The following LRBA variants were observed in gnomAD, a reference collection of about 807,000 sequenced individuals.
LRBA encodes lipopolysaccharide-responsive and beige-like anchor protein.
Under a neutral mutation model 330.0 loss-of-function variants are expected in LRBA, and 176 were observed. The observed-to-expected ratio is 0.53, with a 90% CI of 0.47 to 0.60. The LOEUF (loss-of-function observed/expected upper bound fraction) is 0.60. LRBA is among the 20% of genes least tolerant of loss of function. LRBA has a pLI of 0.00. For synonymous variants in LRBA, 1,230 were observed against 1,193.0 expected (o/e 1.03, Z -0.64); for missense variants, 3,259 against 3,444.8 (o/e 0.95, Z 1.35).
chr4:150,419,890 G>A (rs1299412765), intron 46 of LRBA, among the ~76,000 whole-genome samples: 2 of 150,534 alleles, frequency 1.3e-5, no homozygotes. Flanking sequence ...TGCCTGCCTC[G>A]GCCTCCCAAA....
At chr4:150,563,921 G>A (rs1269477938) in intron 40 of LRBA, among the ~76,000 whole-genome samples, 1 of 152,106 alleles carries the variant, frequency 6.6e-6, no homozygotes, top group Non-Finnish European at 1.5e-5. Context: ...CATGCTCATG[G>A]ATAGGAAGAA....
intron 44 of LRBA, among the ~76,000 whole-genome samples, chr4:150,437,758 G>C (rs1186201805): frequency 6.6e-6 from 1 of 152,014 alleles, no homozygotes; most frequent in Non-Finnish European, 1.5e-5. Flanking sequence ...AACTATGCCT[G>C]ACAACGTTCA....
At chr4:150,966,338 C>A (rs1488803047) in intron 2 of LRBA, among the ~76,000 whole-genome samples, 1 of 150,066 alleles carries the variant, frequency 6.7e-6, no homozygotes, top group East Asian at 2.0e-4. Flanking sequence ...GACGGAGTCT[C>A]GTTCTGTCAC....
intron 2 of LRBA, among the ~76,000 whole-genome samples, chr4:151,011,867 A>T (rs2149677174): frequency 6.6e-6 from 1 of 150,722 alleles, no homozygotes; most frequent in African/African-American, 2.4e-5. Context: ...TTTTTTTTGT[A>T]GAGACAGGGT....
Position 150,920,558 on chromosome 4 carries a change from A to G in LRBA, c.645+640T>C, listed in dbSNP as rs545990370. Among the ~76,000 whole-genome samples the G allele has an allele frequency of 2.6e-5, 4 of 152,318 alleles. No homozygotes were observed. In the East Asian group the frequency reaches 7.7e-4, roughly 29 times the overall value. ...GAGCAAAACTCCATCTCAAAATAAA[A>G]AAAAAGTTTGTTTTGCTTGTAACAG... On this transcript the variant is annotated intron_variant, in intron 5 of 56. Transcript: ENST00000651943.
intron 28 of LRBA, among the ~76,000 whole-genome samples, chr4:150,837,683 G>T (rs1748356161): frequency 6.6e-6 from 1 of 152,104 alleles, no homozygotes; most frequent in South Asian, 2.1e-4. Context: ...GCCTATGTGT[G>T]TCTCTGCATG....
intron 28 of LRBA, among the ~76,000 whole-genome samples, chr4:150,837,561 C>A (rs568195508): frequency 5.3e-5 from 8 of 151,848 alleles, no homozygotes; most frequent in African/African-American, 7.2e-5. Flanking sequence ...GGCCTTGTCT[C>A]TTTTGATCTT....
chr4:150,999,574 T>A (rs1198038385), intron 2 of LRBA, among the ~76,000 whole-genome samples: 3 of 152,036 alleles, frequency 2.0e-5, no homozygotes, highest in Non-Finnish European at 4.4e-5. Flanking sequence ...CTACTGATTA[T>A]TTTTAAGTTT....
At chr4:150,914,734 T>A (rs1732394262) in intron 8 of LRBA, among the ~76,000 whole-genome samples, 1 of 152,160 alleles carries the variant, frequency 6.6e-6, no homozygotes, top group South Asian at 2.1e-4. Flanking sequence ...CAAAAAGCAC[T>A]CAGTAAAAGT....
chr4:150,723,629 C>A (rs1303794863), intron 36 of LRBA, among the ~76,000 whole-genome samples: 2 of 152,130 alleles, frequency 1.3e-5, no homozygotes, highest in African/African-American at 4.8e-5. Flanking sequence ...CAGCATATTC[C>A]CAGCTATGGT....
At chr4:150,838,186 G>T (rs1467912833) in intron 28 of LRBA, among the ~76,000 whole-genome samples, 1 of 152,158 alleles carries the variant, frequency 6.6e-6, no homozygotes, top group Non-Finnish European at 1.5e-5. Context: ...GCTTCCCTTT[G>T]TGGGTAACCC....
chr4:150,474,781 C>T (rs1240960334), intron 42 of LRBA, among the ~76,000 whole-genome samples: 2 of 152,106 alleles, frequency 1.3e-5, no homozygotes, highest in Admixed American at 1.3e-4. Flanking sequence ...TCCTTCCTCT[C>T]TTTCTTCCTT....
intron 18 of LRBA, 63 bp downstream of exon 18, chr4:150,872,600 G>C: frequency 8.9e-7 from 1 of 1,119,858 alleles, no homozygotes; most frequent in East Asian, 2.4e-5. Context: ...AATTACTACT[G>C]CAAAGATTTA....
At chr4:150,279,551 A>T (rs1285584046) in intron 55 of LRBA, among the ~76,000 whole-genome samples, 1 of 152,056 alleles carries the variant, frequency 6.6e-6, no homozygotes, top group Non-Finnish European at 1.5e-5. Context: ...TTAAGTCTTC[A>T]CTGTTTGACA....
intron 47 of LRBA, among the ~76,000 whole-genome samples, chr4:150,356,185 A>G (rs1012129452): frequency 5.3e-5 from 8 of 152,088 alleles, no homozygotes; most frequent in African/African-American, 1.7e-4. Context: ...GTTCCAATCA[A>G]AATATGCTTT....
chr4:150,674,218 AAAC>A (rs956055571), intron 37 of LRBA, among the ~76,000 whole-genome samples: 7 of 151,782 alleles, frequency 4.6e-5, no homozygotes, highest in African/African-American at 1.7e-4. Context: ...ATGAATTTGA[AAAC>A]AGGCTAAAGA....
chr4:150,660,238 C>A (rs867661365), intron 37 of LRBA, among the ~76,000 whole-genome samples: 1 of 9,424 alleles, frequency 1.1e-4, no homozygotes, highest in African/African-American at 1.4e-4. Flanking sequence ...CCAGCCGCCC[C>A]GTCCGGGAGG....
chr4:150,345,411 T>C (rs1451911528), intron 48 of LRBA, among the ~76,000 whole-genome samples: 4 of 152,242 alleles, frequency 2.6e-5, no homozygotes, highest in Non-Finnish European at 5.9e-5. Flanking sequence ...TCTGATAACT[T>C]CTCTAGTGTT....
chr4:150,806,471 TAAAGA>T, intron 32 of LRBA, 67 bp from the exon 33 acceptor site: 1 of 1,041,288 alleles, frequency 9.6e-7, no homozygotes, highest in Non-Finnish European at 1.3e-6. Context: ...GTTTTGAAAA[TAAAGA>T]TGTATTTCCA....
Sources: allele counts gnomAD v4.1 joint callset (sites outside exome capture counted in the v4.1 genomes callset), GRCh38; gene constraint gnomAD v4.1.1; transcripts MANE v1.5; gene names NCBI Gene and HGNC (gene_info 2026-07-23, HGNC 2026-07-21).